The following DCLK2 variants were observed in gnomAD, a reference collection of about 807,000 sequenced individuals.
DCLK2 encodes the protein doublecortin like kinase 2.
DCLK2 carries 31 observed loss-of-function variants against 78.4 expected under a neutral mutation model. That is an observed-to-expected ratio of 0.40 (90% CI 0.30 to 0.53). The LOEUF (loss-of-function observed/expected upper bound fraction) is 0.53. DCLK2 is among the 20% of genes least tolerant of loss of function. DCLK2 has a pLI of 0.61. For missense variants in DCLK2, 872 were observed against 973.7 expected, an observed-to-expected ratio of 0.90 and a Z score of 1.39; for synonymous variants, 407 against 374.9, an observed-to-expected ratio of 1.09 and a Z score of -0.99.
chr4:150,234,853 T>C (rs1285083996), intron 10 of DCLK2, among the ~76,000 whole-genome samples: 2 of 152,022 alleles, frequency 1.3e-5, no homozygotes, highest in Non-Finnish European at 2.9e-5. Flanking sequence ...AGTTAGGATA[T>C]GGCGTTCTCT....
chr4:150,207,527 T>C (rs563446280), intron 5 of DCLK2, among the ~76,000 whole-genome samples: 3 of 152,302 alleles, frequency 2.0e-5, no homozygotes, highest in African/African-American at 7.2e-5. Context: ...CACCCTCCTC[T>C]CCACAAAATG....
At chr4:150,198,353 C>T (rs948136029) in intron 4 of DCLK2, among the ~76,000 whole-genome samples, 1 of 152,104 alleles carries the variant, frequency 6.6e-6, no homozygotes, top group Non-Finnish European at 1.5e-5. Context: ...CTAGATTCTG[C>T]TGGTATTTAC....
rs1379489686 is a variant in DCLK2, at chr4:150,256,264, C to T, written c.*17C>T. ...CGAGACTGAGCCTCCTGCAGACGGG[C>T]GAAGCCGCCTGCTGCAGCCCAGGAA... On this transcript the variant is annotated 3_prime_UTR_variant, in exon 16 of 16. Coordinates refer to ENST00000296550, the MANE Select transcript of DCLK2 (RefSeq NM_001040260.4). 2.2e-5 allele frequency: 33 copies of T among 1,487,346 alleles called. No individual in the cohort carries two copies. Among genetic ancestry groups the T allele is most frequent in the East Asian group, 1.7e-4 (7 of 40,198 alleles). The allele number at this position is 1,487,346 out of a possible 1,614,324, so 92.1% of individuals were successfully genotyped here. A position where few individuals can be genotyped will look rare whatever the true frequency, so the allele number is the denominator to read the frequency against.
intron 2 of DCLK2, among the ~76,000 whole-genome samples, chr4:150,142,329 T>A (rs1734163293): frequency 6.6e-6 from 1 of 152,180 alleles, no homozygotes; most frequent in Admixed American, 6.5e-5. Context: ...ATTGGGTAAT[T>A]TGAGATGTCG....
At chr4:150,190,290 GATAGATAGGCAGA>G (rs1474337767) in intron 2 of DCLK2, among the ~76,000 whole-genome samples, 1,506 of 147,194 alleles carry the variant, frequency 0.01, 19 homozygotes, top group African/African-American at 0.034. Context: ...TAGATAGATA[GATAGATAGGCAGA>G]CAGACAGACA....
chr4:150,239,131 C>T (rs984120717), intron 10 of DCLK2, among the ~76,000 whole-genome samples: 5 of 152,086 alleles, frequency 3.3e-5, no homozygotes, highest in East Asian at 1.9e-4. Context: ...GGTACACAGC[C>T]GCCTACACTC....
intron 2 of DCLK2, among the ~76,000 whole-genome samples, chr4:150,141,124 A>T (rs954505110): frequency 6.6e-6 from 1 of 152,168 alleles, no homozygotes; most frequent in African/African-American, 2.4e-5. Flanking sequence ...TTAGCCTAAG[A>T]GTTTTAATTT....
At chr4:150,218,578 C>G (rs2126519344) in intron 5 of DCLK2, among the ~76,000 whole-genome samples, 1 of 152,284 alleles carries the variant, frequency 6.6e-6, no homozygotes, top group South Asian at 2.1e-4. Flanking sequence ...GAGCAGGGAC[C>G]CAGGTACAGG....
Position 150,221,786 on chromosome 4 carries a change from G to A in DCLK2, c.1241+1G>A. Reference sequence around the variant, plus strand: ...CAGTAGTCAAAGAGTGTATAGACAGGTGAGTGGACAGTGAGGATAATTAAT... The same window carrying A: ...CAGTAGTCAAAGAGTGTATAGACAGATGAGTGGACAGTGAGGATAATTAAT... On this transcript the variant is annotated splice_donor_variant, in intron 7 of 15. Transcript: ENST00000296550. LOFTEE classifies it high-confidence loss of function. 1 of 1,523,552 alleles carries A rather than the reference G, an allele frequency of 6.6e-7. No homozygotes were observed. The highest frequency in any genetic ancestry group is 1.2e-5 in the South Asian group (1 of 81,490). 94.4% of individuals were successfully genotyped at this position (1,523,552 alleles called of 1,614,324 possible).
intron 2 of DCLK2, among the ~76,000 whole-genome samples, chr4:150,141,383 C>T (rs1053486919): frequency 3.9e-5 from 6 of 152,074 alleles, no homozygotes; most frequent in Non-Finnish European, 7.4e-5. Flanking sequence ...GATTTTATTT[C>T]TCAGGTGTTT....
chr4:150,228,515 C>T (rs1488408027), intron 8 of DCLK2, among the ~76,000 whole-genome samples: 1 of 152,132 alleles, frequency 6.6e-6, no homozygotes, highest in Non-Finnish European at 1.5e-5. Context: ...CCAAAACCTC[C>T]ACAAGCTCTC....
intron 1 of DCLK2, among the ~76,000 whole-genome samples, chr4:150,086,658 C>T (rs1580471311): frequency 6.6e-6 from 1 of 152,108 alleles, no homozygotes; most frequent in African/African-American, 2.4e-5. Flanking sequence ...AGGCGCCCAC[C>T]ACCACGCCCT....
At chr4:150,156,611 G>T (rs1735290717) in intron 2 of DCLK2, among the ~76,000 whole-genome samples, 1 of 151,934 alleles carries the variant, frequency 6.6e-6, no homozygotes, top group Admixed American at 6.6e-5. Flanking sequence ...TGAGGCTGCA[G>T]TGAGCTATGA....
chr4:150,192,685 C>T (rs905616187), intron 2 of DCLK2, among the ~76,000 whole-genome samples: 3 of 152,096 alleles, frequency 2.0e-5, no homozygotes, highest in Non-Finnish European at 1.5e-5. Flanking sequence ...TATATTAATC[C>T]TCGAAACAAC....
intron 1 of DCLK2, among the ~76,000 whole-genome samples, chr4:150,080,094 C>A (rs1411471276): frequency 1.4e-5 from 2 of 144,626 alleles, no homozygotes; most frequent in East Asian, 4.0e-4. Context: ...GTGGGTTAGG[C>A]GTCTGGAGTC....
At position 150,118,813 on chromosome 4, in the gene DCLK2, G is replaced by A. The variant is rs910149700; in HGVS notation, c.756+16001G>A. On this transcript the variant is annotated intron_variant, in intron 2 of 15. Transcript: ENST00000296550. ...GGTCATGAACTCCTGATCACTTGAGGTCAGGATTTAGAGACCAGCCTGGCC... is the reference window on the plus strand; with the variant it reads ...GGTCATGAACTCCTGATCACTTGAGATCAGGATTTAGAGACCAGCCTGGCC... Among the ~76,000 whole-genome samples, 3 of 151,996 alleles carry A rather than the reference G, an allele frequency of 2.0e-5. No individual in the cohort carries two copies. The East Asian group carries it at 5.8e-4, about 29-fold the overall frequency.
intron 3 of DCLK2, among the ~76,000 whole-genome samples, chr4:150,194,923 G>A (rs139770261): frequency 0.011 from 1,603 of 151,298 alleles, 30 homozygotes; most frequent in African/African-American, 0.037. Flanking sequence ...TCATTCATGA[G>A]CTTGGGGGTC....
chr4:150,197,749 G>A (rs1320780136), intron 3 of DCLK2, among the ~76,000 whole-genome samples: 3 of 150,636 alleles, frequency 2.0e-5, no homozygotes, highest in East Asian at 2.0e-4. Flanking sequence ...AGCCCAGATC[G>A]CGCCATTGCA....
intron 1 of DCLK2, among the ~76,000 whole-genome samples, chr4:150,098,551 G>T (rs1053357554): frequency 5.9e-5 from 9 of 152,094 alleles, no homozygotes; most frequent in Admixed American, 5.2e-4. Context: ...TTTGGGGTAC[G>T]AGTGGTTTAT....
Sources: gnomAD v4.1 joint callset for allele counts (sites outside exome capture counted in the v4.1 genomes callset) on GRCh38, gnomAD v4.1.1 for gene constraint, MANE v1.5 for transcripts, NCBI Gene and HGNC (gene_info 2026-07-23, HGNC 2026-07-21) for gene names.